ANKRD44: variants seen among roughly 807,000 people sequenced by gnomAD.
ANKRD44 encodes the protein ankyrin repeat domain 44, also known as serine/threonine-protein phosphatase 6 regulatory ankyrin repeat subunit B.
ANKRD44 carries 35 observed loss-of-function variants against 116.0 expected under a neutral mutation model. The observed-to-expected ratio is 0.30, with a 90% confidence interval of 0.23 to 0.40. The LOEUF is 0.40. ANKRD44 is among the 10% of genes least tolerant of loss of function. ANKRD44 has a pLI of 1.00. For missense variants in ANKRD44, 1,014 were observed against 1,242.6 expected (o/e 0.82, Z 2.77); for synonymous variants, 435 against 461.8 (o/e 0.94, Z 0.74).
chr2:197,111,231 C>G (rs1459490908), intron 8 of ANKRD44, among the ~76,000 whole-genome samples: 1 of 152,112 alleles, frequency 6.6e-6, no homozygotes, highest in Non-Finnish European at 1.5e-5. Context: ...AGGAAGTTTC[C>G]TTCAAGGTGT....
chr2:197,089,439 T>C (rs2077994445), intron 11 of ANKRD44, among the ~76,000 whole-genome samples: 1 of 152,136 alleles, frequency 6.6e-6, no homozygotes. Context: ...AGAAACAATC[T>C]CTTGGCTCCA....
chr2:197,164,865 C>T (rs955017803), intron 2 of ANKRD44, among the ~76,000 whole-genome samples: 18 of 151,936 alleles, frequency 1.2e-4, no homozygotes, highest in Admixed American at 1.2e-3. Context: ...TTAGCCATCT[C>T]TGAGGATGGC....
chr2:197,015,870 T>A (rs1358952465), intron 17 of ANKRD44: 1 of 517,024 alleles, frequency 1.9e-6, no homozygotes, highest in African/African-American at 1.9e-5. Flanking sequence ...GGAACAATAA[T>A]GATTCTGGAA....
intron 1 of ANKRD44, among the ~76,000 whole-genome samples, chr2:197,240,173 G>T (rs1427698623): frequency 6.6e-6 from 1 of 151,958 alleles, no homozygotes; most frequent in African/African-American, 2.4e-5. Flanking sequence ...TCAGGAGTTG[G>T]AGAGCAGCCT....
intron 1 of ANKRD44, among the ~76,000 whole-genome samples, chr2:197,287,031 T>C (rs1050667601): frequency 3.3e-5 from 5 of 152,158 alleles, no homozygotes; most frequent in African/African-American, 1.2e-4. Context: ...CATGTCATTA[T>C]ACATTTGTCA....
chr2:197,300,355 T>C (rs898764939), intron 1 of ANKRD44, among the ~76,000 whole-genome samples: 2 of 152,228 alleles, frequency 1.3e-5, no homozygotes, highest in Non-Finnish European at 2.9e-5. Context: ...ACCTGGGTTC[T>C]ACCCACATCT....
At chr2:197,300,313 AG>A (rs2083861532) in intron 1 of ANKRD44, among the ~76,000 whole-genome samples, 1 of 152,176 alleles carries the variant, frequency 6.6e-6, no homozygotes, top group South Asian at 2.1e-4. Context: ...TTTAGTCACC[AG>A]GTTACCTGAA....
intron 2 of ANKRD44, among the ~76,000 whole-genome samples, chr2:197,183,415 A>G (rs2080565522): frequency 1.3e-5 from 2 of 152,168 alleles, no homozygotes; most frequent in Admixed American, 6.5e-5. Flanking sequence ...ACATTTAAAT[A>G]CATGGTTATC....
chr2:197,207,773 A>G (rs2081240074), intron 1 of ANKRD44, among the ~76,000 whole-genome samples: 1 of 152,274 alleles, frequency 6.6e-6, no homozygotes, highest in East Asian at 1.9e-4. Context: ...AAAGGAAATC[A>G]TGCCCCATAT....
chr2:197,066,898 A>C (rs2077445227), intron 16 of ANKRD44, among the ~76,000 whole-genome samples: 1 of 152,230 alleles, frequency 6.6e-6, no homozygotes, highest in Non-Finnish European at 1.5e-5. Flanking sequence ...CCATCAAGCT[A>C]CCAATGACTT....
At chr2:197,125,521 T>G in intron 5 of ANKRD44, 53 bp from the exon 6 acceptor site, 2 of 1,477,190 alleles carry the variant, frequency 1.4e-6, no homozygotes, top group Non-Finnish European at 1.9e-6. Flanking sequence ...TGGTGAGGCC[T>G]CCTCACTGCC....
At position 197,209,581 on chromosome 2, in the gene ANKRD44, G is replaced by A. The variant is rs1419443456; in HGVS notation, c.28-22475C>T. On this transcript the variant is annotated intron_variant, in intron 1 of 27. Transcript: ENST00000282272. ...CAAGCAGTCCAGGCAATCATTACCA[G>A]TCAATAACAGCTGGCCCATTTGCCG... is the stretch of plus-strand genomic sequence containing the variant. Among the ~76,000 whole-genome samples, 3 of 152,318 alleles carry A rather than the reference G, an allele frequency of 2.0e-5. No individual in the cohort carries two copies. In the East Asian group the frequency reaches 5.8e-4, roughly 29 times the overall value.
At position 197,006,344 on chromosome 2, in the gene ANKRD44, C is replaced by T. The variant is rs534170757; in HGVS notation, c.2131-434G>A. ...CCTGTAGTCCCAGCTACTTGGGAGGCTGAGGCAGGAGAATGGCGTGAACCT... is the reference window on the plus strand; with the variant it reads ...CCTGTAGTCCCAGCTACTTGGGAGGTTGAGGCAGGAGAATGGCGTGAACCT... On this transcript the variant is annotated intron_variant, in intron 20 of 27. Transcript: ENST00000282272. Among the ~76,000 whole-genome samples, 4 of 152,176 alleles carry T rather than the reference C, an allele frequency of 2.6e-5. No homozygotes were observed. The South Asian group carries it at 8.3e-4, about 32-fold the overall frequency.
intron 2 of ANKRD44, among the ~76,000 whole-genome samples, chr2:197,177,257 T>G (rs1398399384): frequency 6.6e-6 from 1 of 152,228 alleles, no homozygotes; most frequent in Non-Finnish European, 1.5e-5. Context: ...TTTAATTGAT[T>G]TTTAGCTTGA....
chr2:197,171,082 A>G (rs2080222621), intron 2 of ANKRD44, among the ~76,000 whole-genome samples: 1 of 152,252 alleles, frequency 6.6e-6, no homozygotes, highest in Non-Finnish European at 1.5e-5. Context: ...AAATTTTACA[A>G]GCTCAGTTGA....
intron 10 of ANKRD44, among the ~76,000 whole-genome samples, chr2:197,093,538 G>A (rs2078094226): frequency 6.6e-6 from 1 of 152,088 alleles, no homozygotes; most frequent in South Asian, 2.1e-4. Context: ...TACTACTTCA[G>A]TGCAGGATTT....
At chr2:196,993,141 T>C (rs1293775128) in intron 27 of ANKRD44, among the ~76,000 whole-genome samples, 1 of 152,216 alleles carries the variant, frequency 6.6e-6, no homozygotes, top group Non-Finnish European at 1.5e-5. Flanking sequence ...TGAGTTCTGA[T>C]CTGTACTTAA....
intron 10 of ANKRD44, among the ~76,000 whole-genome samples, chr2:197,091,342 T>C (rs1209594210): frequency 6.6e-6 from 1 of 152,050 alleles, no homozygotes; most frequent in Non-Finnish European, 1.5e-5. Context: ...GAGTTGAGAG[T>C]GGCAGGCTGA....
intron 4 of ANKRD44, among the ~76,000 whole-genome samples, chr2:197,126,987 CA>C (rs998598448): frequency 7.1e-4 from 101 of 141,414 alleles, no homozygotes; most frequent in Admixed American, 1.5e-3. Context: ...GACCCTGTCT[CA>C]AAAAAAAAAA....
Sources: allele counts gnomAD v4.1 joint callset (sites outside exome capture counted in the v4.1 genomes callset), GRCh38; gene constraint gnomAD v4.1.1; transcripts MANE v1.5; gene names NCBI Gene and HGNC (gene_info 2026-07-23, HGNC 2026-07-21).